Variants in PALM2AKAP2 observed in about 807,000 individuals in gnomAD.
The protein encoded by PALM2AKAP2 is PALM2-AKAP2 fusion protein.
In PALM2AKAP2, 37 loss-of-function variants were observed where a neutral mutation model predicts 71.5. That is an observed-to-expected ratio of 0.52 (90% CI 0.40 to 0.68). The LOEUF (loss-of-function observed/expected upper bound fraction) is 0.68. PALM2AKAP2 is among the 30% of genes least tolerant of loss of function. The pLI is 0.00. For synonymous variants in PALM2AKAP2, 468 were observed against 478.8 expected (o/e 0.98, Z 0.29); for missense variants, 1,224 against 1,191.8 (o/e 1.03, Z -0.40).
chr9:109,726,980 A>G (rs909788553), intron 1 of PALM2AKAP2, among the ~76,000 whole-genome samples: 27 of 152,168 alleles, frequency 1.8e-4, no homozygotes, highest in Non-Finnish European at 4.0e-4. Flanking sequence ...AGGGATCTTG[A>G]GATTTCACCA....
At chr9:109,899,876 G>T (rs187826446) in intron 3 of PALM2AKAP2, among the ~76,000 whole-genome samples, 1 of 152,286 alleles carries the variant, frequency 6.6e-6, no homozygotes, top group East Asian at 1.9e-4. Context: ...AATGTTTCCT[G>T]TGGGCATATT....
At chr9:109,869,429 C>T (rs1390240026) in intron 2 of PALM2AKAP2, among the ~76,000 whole-genome samples, 5 of 152,076 alleles carry the variant, frequency 3.3e-5, no homozygotes, top group African/African-American at 4.8e-5. Flanking sequence ...CCCAGGTTCA[C>T]GCCATTCTCC....
In PALM2AKAP2 at chr9:109,928,859, G is replaced by GT. The variant is rs1831018780; in HGVS notation, c.395-3065dup. ...ATTTTTGCATTTTAGTAGAGACAGG[G>GT]TTTCACCATGTTGGCCATGCTGGTC... On this transcript the variant is annotated intron_variant, in intron 5 of 9. Coordinates refer to the PALM2AKAP2 transcript ENST00000302798. Among the ~76,000 whole-genome samples the GT allele has an allele frequency of 2.6e-5, 4 of 152,102 alleles. No individual in the cohort carries two copies. In the South Asian group the frequency reaches 8.3e-4, roughly 32 times the overall value.
At chr9:109,839,122 T>C (rs1458675617) in intron 1 of PALM2AKAP2, among the ~76,000 whole-genome samples, 5 of 152,204 alleles carry the variant, frequency 3.3e-5, no homozygotes, top group African/African-American at 1.2e-4. Flanking sequence ...TGAACATCGA[T>C]GCAAAAATCC....
chr9:109,837,796 T>C (rs957947361), intron 1 of PALM2AKAP2, among the ~76,000 whole-genome samples: 1 of 152,102 alleles, frequency 6.6e-6, no homozygotes, highest in African/African-American at 2.4e-5. Context: ...CATTACATAA[T>C]GGTAAAGGGA....
chr9:109,876,032 C>G (rs1829713239), intron 2 of PALM2AKAP2, among the ~76,000 whole-genome samples: 1 of 152,134 alleles, frequency 6.6e-6, no homozygotes, highest in African/African-American at 2.4e-5. Flanking sequence ...ACCAGCCTGG[C>G]CAACATGGTG....
rs192945395 is a variant in PALM2AKAP2 at position 110,084,718 on chromosome 9, T to C, written c.156+35863T>C. Reference sequence around the variant, plus strand: ...TGGGTGTTCACTACACGTGCTACCATACTTTGTTTGTTTGTTTGTTTTTCT... The same window carrying C: ...TGGGTGTTCACTACACGTGCTACCACACTTTGTTTGTTTGTTTGTTTTTCT... On this transcript the variant is annotated intron_variant, in intron 1 of 3. Coordinates refer to ENST00000374525, the Ensembl canonical transcript of PALM2AKAP2. Among the ~76,000 whole-genome samples the C allele has an allele frequency of 3.3e-5, 5 of 152,226 alleles. No individual in the cohort carries two copies. In the East Asian group the frequency reaches 9.6e-4, roughly 29 times the overall value.
intron 1 of PALM2AKAP2, among the ~76,000 whole-genome samples, chr9:109,667,729 G>T (rs976503599): frequency 6.6e-6 from 1 of 152,106 alleles, no homozygotes; most frequent in Non-Finnish European, 1.5e-5. Flanking sequence ...GGAGGCAGAG[G>T]TTGCAGTGAG....
intron 1 of PALM2AKAP2, among the ~76,000 whole-genome samples, chr9:109,656,758 G>A (rs1053920359): frequency 6.6e-6 from 1 of 152,174 alleles, no homozygotes; most frequent in African/African-American, 2.4e-5. Context: ...GTGCCAGTCC[G>A]GATGGTGAGA....
intron 1 of PALM2AKAP2, among the ~76,000 whole-genome samples, chr9:110,099,956 G>T (rs6477741): frequency 0.22 from 33,219 of 149,470 alleles, 4,992 homozygotes; most frequent in African/African-American, 0.42. Context: ...GGAGGGGGAG[G>T]GGGTGGTCAG....
intron 6 of PALM2AKAP2, among the ~76,000 whole-genome samples, chr9:109,972,965 T>G (rs917408880): frequency 2.6e-5 from 4 of 152,200 alleles, no homozygotes; most frequent in African/African-American, 9.7e-5. Context: ...CTTTTACCAA[T>G]AATGGCTTAA....
intron 1 of PALM2AKAP2, among the ~76,000 whole-genome samples, chr9:109,682,115 C>A (rs1436418390): frequency 6.6e-6 from 1 of 152,152 alleles, no homozygotes; most frequent in African/African-American, 2.4e-5. Flanking sequence ...TTCTCTTGGA[C>A]CAGTCAAGAC....
chr9:110,137,350 G>A (rs752898525), exon 2 of PALM2AKAP2: 7 of 1,614,126 alleles, frequency 4.3e-6, no homozygotes, highest in African/African-American at 4.0e-5. Flanking sequence ...TGACTAATCC[G>A]AGACCACCTT....
intron 1 of PALM2AKAP2, among the ~76,000 whole-genome samples, chr9:110,090,729 C>T (rs918919411): frequency 2.0e-5 from 3 of 152,038 alleles, no homozygotes; most frequent in African/African-American, 7.3e-5. Flanking sequence ...TTTATTTTTC[C>T]CTAGTAATTA....
intron 1 of PALM2AKAP2, among the ~76,000 whole-genome samples, chr9:109,690,141 T>C (rs1394687551): frequency 6.6e-6 from 1 of 152,108 alleles, no homozygotes; most frequent in Non-Finnish European, 1.5e-5. Context: ...AGGAGGCTGT[T>C]CCCCATACCA....
chr9:109,812,896 TA>T (rs1424384967), intron 1 of PALM2AKAP2, among the ~76,000 whole-genome samples: 1 of 152,092 alleles, frequency 6.6e-6, no homozygotes, highest in Non-Finnish European at 1.5e-5. Context: ...CTCAGTAGCA[TA>T]AGATAAGAGG....
intron 3 of PALM2AKAP2, among the ~76,000 whole-genome samples, chr9:110,165,155 T>C (rs1282211403): frequency 6.6e-6 from 1 of 152,146 alleles, no homozygotes; most frequent in Non-Finnish European, 1.5e-5. Flanking sequence ...ACTTAGGACA[T>C]GAGTATGACA....
chr9:110,089,976 C>T (rs1327243351), intron 1 of PALM2AKAP2, among the ~76,000 whole-genome samples: 2 of 152,198 alleles, frequency 1.3e-5, no homozygotes, highest in African/African-American at 4.8e-5. Context: ...GGCATGTTAT[C>T]CTATTACATT....
At chr9:109,795,423 T>G (rs1587916904) in intron 1 of PALM2AKAP2, among the ~76,000 whole-genome samples, 1 of 152,236 alleles carries the variant, frequency 6.6e-6, no homozygotes, top group Admixed American at 6.5e-5. Flanking sequence ...CACGACAATA[T>G]TGATTTAACT....
Sources: allele counts gnomAD v4.1 joint callset (sites outside exome capture counted in the v4.1 genomes callset), GRCh38; gene constraint gnomAD v4.1.1; transcripts MANE v1.5; gene names NCBI Gene and HGNC (gene_info 2026-07-23, HGNC 2026-07-21).